PCM1: variants seen among roughly 807,000 people sequenced by gnomAD.
PCM1 encodes pericentriolar material 1.
PCM1 carries 157 observed loss-of-function variants against 241.9 expected under a neutral mutation model. The observed-to-expected ratio is 0.65, with a 90% confidence interval of 0.57 to 0.74. PCM1 has a LOEUF of 0.74. Among genes scored for constraint, PCM1 ranks in the 30% least tolerant of loss-of-function variants. The pLI is 0.00. For missense variants in PCM1, 3,478 were observed against 2,360.1 expected (o/e 1.47, Z -9.81); for synonymous variants, 1,085 against 784.9 (o/e 1.38, Z -6.39).
chr8:17,957,353 A>G lies in PCM1; in HGVS notation c.1736A>G (p.Asn579Ser). 6.2e-7 allele frequency: 1 copy of G among 1,612,090 alleles called. No individual in the cohort carries two copies. The highest frequency in any genetic ancestry group is 2.2e-5 in the East Asian group (1 of 44,854). The change falls in exon 12 of 39, where the codon AAT becomes AGT. Residue 579 changes from asparagine (N) to serine (S), a missense_variant. Physicochemically the swap from Asn to Ser is conservative, Grantham distance 46 (BLOSUM62 1). Coordinates refer to ENST00000325083, the MANE Select transcript of PCM1 (RefSeq NM_006197.4). ...AATAATAGAGATGGGCGAACAGTTA[A>G]TTCTAATTGTGAAATTAACAACAGA... Reference protein sequence around the residue: ...VSNNRDGRTVNSNCEINNRSA... With the variant: ...VSNNRDGRTVSSNCEINNRSA...
chr8:17,939,615 C>G (rs1468035932), intron 5 of PCM1, 76 bp from the exon 6 acceptor site: 2 of 701,240 alleles, frequency 2.9e-6, no homozygotes, highest in African/African-American at 1.8e-5. Flanking sequence ...AAAACTGTTG[C>G]TATTGAACTA....
chr8:17,994,464 T>C (rs2085868267), intron 29 of PCM1, among the ~76,000 whole-genome samples: 1 of 152,246 alleles, frequency 6.6e-6, no homozygotes, highest in Non-Finnish European at 1.5e-5. Context: ...TTCCAAATCT[T>C]GGTTGTTGTG....
At position 17,951,943 on chromosome 8, in the gene PCM1, C is replaced by T. The variant is rs181074498; in HGVS notation, c.1072-1027C>T. Among the ~76,000 whole-genome samples the T allele has an allele frequency of 3.4e-4, 52 of 152,132 alleles. 2 individuals carry two copies. Among genetic ancestry groups the T allele is most frequent in the Middle Eastern group, 3.4e-3 (1 of 294 alleles). On this transcript the variant is annotated intron_variant, in intron 8 of 38. Coordinates refer to ENST00000325083, the MANE Select transcript of PCM1 (RefSeq NM_006197.4). Reference sequence around the variant, plus strand: ...TAATTAAAAAAAATTTAAAAAAAGGCCAGGTGCGGTGGCTTATGCCTGTAA... The same window carrying T: ...TAATTAAAAAAAATTTAAAAAAAGGTCAGGTGCGGTGGCTTATGCCTGTAA...
chr8:17,930,679 C>A (rs1419882274), intron 2 of PCM1, among the ~76,000 whole-genome samples: 2 of 151,836 alleles, frequency 1.3e-5, no homozygotes, highest in Admixed American at 6.6e-5. Context: ...GAGATGGAGA[C>A]CATCCTGGCT....
At chr8:17,968,920 G>C (rs2075964090) in intron 21 of PCM1, among the ~76,000 whole-genome samples, 1 of 151,842 alleles carries the variant, frequency 6.6e-6, no homozygotes, top group Non-Finnish European at 1.5e-5. Context: ...AATTGCAAAT[G>C]CTCTTCCTTT....
chr8:18,014,808 G>C lies in PCM1; in HGVS notation c.5809G>C (p.Asp1937His), dbSNP rs2092962995. Residue 1937 changes from aspartate (D) to histidine (H), a missense_variant, in exon 36 of 39, where the codon GAT becomes CAT. By Grantham distance (81) the Asp-to-His change is moderately conservative. Coordinates refer to ENST00000325083, the MANE Select transcript of PCM1 (RefSeq NM_006197.4). ...TGAAAGCTCTCTGGCTGGAAGTCCTGATACTGAATCTCCAGTGTTAGTGAA... is the reference window on the plus strand; with the variant it reads ...TGAAAGCTCTCTGGCTGGAAGTCCTCATACTGAATCTCCAGTGTTAGTGAA... Reference protein sequence around the residue: ...TPESSLAGSPDTESPVLVNDY... With the variant: ...TPESSLAGSPHTESPVLVNDY... 1 of 1,603,664 alleles carries C rather than the reference G, an allele frequency of 6.2e-7. No individual in the cohort carries two copies. The highest frequency in any genetic ancestry group is 8.5e-7 in the Non-Finnish European group (1 of 1,177,948).
intron 2 of PCM1, chr8:17,928,058 G>A (rs2057694091): frequency 6.6e-6 from 1 of 151,956 alleles, no homozygotes; most frequent in Non-Finnish European, 1.5e-5. Context: ...AAAGTAGAAG[G>A]ATTTTATTTT....
intron 38 of PCM1, among the ~76,000 whole-genome samples, chr8:18,027,335 T>C (rs868628204): frequency 6.6e-6 from 1 of 152,244 alleles, no homozygotes; most frequent in Non-Finnish European, 1.5e-5. Context: ...TCCCCTCTTC[T>C]GTTTTCTCAC....
At chr8:17,956,058 A>G (rs1008259151) in intron 10 of PCM1, 1 of 224,630 alleles carries the variant, frequency 4.5e-6, no homozygotes, top group Non-Finnish European at 8.8e-6. Flanking sequence ...AGGGATGATA[A>G]TATACCTGTT....
intron 23 of PCM1, among the ~76,000 whole-genome samples, 165 bp downstream of exon 23, chr8:17,972,852 C>A (rs1414593026): frequency 6.6e-6 from 1 of 151,784 alleles, no homozygotes; most frequent in African/African-American, 2.4e-5. Context: ...TTTTTTTTTA[C>A]AAAATAATAT....
chr8:17,967,998 C>T (rs1384241507), intron 21 of PCM1, among the ~76,000 whole-genome samples: 5 of 149,840 alleles, frequency 3.3e-5, no homozygotes, highest in South Asian at 2.1e-4. Context: ...TACAGTGCCA[C>T]GGGTGCCATA....
chr8:17,970,431 AT>A lies in PCM1; in HGVS notation c.3584+698del, dbSNP rs11399726. 2.4e-3 allele frequency among the ~76,000 whole-genome samples: 338 copies of A among 142,790 alleles called. 1 individual carries two copies. The highest frequency in any genetic ancestry group is 2.6e-3 in the Non-Finnish European group (166 of 64,768). The allele number at this position is 142,790 out of a possible 152,430, so 93.7% of individuals were successfully genotyped here. A position where few individuals can be genotyped will look rare whatever the true frequency, so the allele number is the denominator to read the frequency against. The stretch of plus-strand genomic sequence containing the variant: ...TTTAATTACTGAGTCATTAACTGGG[AT>A]TTTTTTTTTTTTTTACTCGATTAAC... On this transcript the variant is annotated intron_variant, in intron 22 of 38. Coordinates refer to ENST00000325083, the MANE Select transcript of PCM1 (RefSeq NM_006197.4).
intron 29 of PCM1, chr8:18,005,976 GGTACAGAAAA>G (rs2091191851): frequency 1.5e-5 from 4 of 267,178 alleles, no homozygotes; most frequent in South Asian, 2.4e-4. Flanking sequence ...TTCTCCTTAA[GGTACAGAAAA>G]GTACAGAAAG....
chr8:17,935,159 T>C (rs2060071736), intron 2 of PCM1, among the ~76,000 whole-genome samples: 1 of 152,354 alleles, frequency 6.6e-6, no homozygotes, highest in South Asian at 2.1e-4. Flanking sequence ...TTTGACTCTT[T>C]GGCATACAAC....
chr8:18,018,848 G>GTATATATATA (rs765183382), intron 36 of PCM1, among the ~76,000 whole-genome samples: 9 of 36,300 alleles, frequency 2.5e-4, no homozygotes, highest in African/African-American at 6.5e-4. Context: ...ATGTGTGTGT[G>GTATATATATA]TGTGTATATA....
intron 29 of PCM1, among the ~76,000 whole-genome samples, chr8:18,004,885 C>T (rs991291214): frequency 6.6e-6 from 1 of 152,168 alleles, no homozygotes; most frequent in South Asian, 2.1e-4. Context: ...CCGTGTCCTA[C>T]CCAAACTCCT....
chr8:18,022,721 T>C (rs1485298350), intron 36 of PCM1, among the ~76,000 whole-genome samples: 6 of 152,216 alleles, frequency 3.9e-5, no homozygotes, highest in Admixed American at 1.3e-4. Context: ...AGTCAGACTT[T>C]ATGATTTAAC....
chr8:18,007,458 C>G (rs1210980233), intron 30 of PCM1, among the ~76,000 whole-genome samples: 1 of 152,100 alleles, frequency 6.6e-6, no homozygotes, highest in Admixed American at 6.6e-5. Context: ...GTAGGAAACT[C>G]CATTTTAGAA....
At chr8:17,941,333 T>C (rs991639293) in intron 6 of PCM1, among the ~76,000 whole-genome samples, 1 of 152,180 alleles carries the variant, frequency 6.6e-6, no homozygotes, top group Non-Finnish European at 1.5e-5. Context: ...TTTCATAATA[T>C]AAAATGACGG....
Sources: allele counts gnomAD v4.1 joint callset (sites outside exome capture counted in the v4.1 genomes callset), GRCh38; gene constraint gnomAD v4.1.1; transcripts MANE v1.5; gene names NCBI Gene and HGNC (gene_info 2026-07-23, HGNC 2026-07-21).